GRIA3: variants seen among roughly 807,000 people sequenced by gnomAD.
The protein encoded by GRIA3 is glutamate receptor 3.
In GRIA3, 3 loss-of-function variants were observed where a neutral mutation model predicts 63.0. The ratio of observed to expected loss-of-function variants is 0.05; its 90% CI spans 0.02 to 0.12. The LOEUF (loss-of-function observed/expected upper bound fraction) is 0.12. GRIA3 is among the 10% of genes least tolerant of loss of function. The pLI, the probability that GRIA3 is intolerant of heterozygous loss-of-function variation, is 1.00. For synonymous variants in GRIA3, 274 were observed against 257.9 expected (o/e 1.06, Z -0.60); for missense variants, 347 against 700.9 (o/e 0.50, Z 5.70).
chrX:123,434,724 C>T (rs946933494), intron 12 of GRIA3, among the ~76,000 whole-genome samples: 73 of 111,468 alleles, frequency 6.5e-4, no homozygotes, highest in African/African-American at 2.0e-3. Flanking sequence ...GTAAGACCAC[C>T]GTTGGCTTTT....
At chrX:123,378,252 C>T (rs1414374122) in intron 5 of GRIA3, among the ~76,000 whole-genome samples, 2 of 111,661 alleles carry the variant, frequency 1.8e-5, no homozygotes, top group African/African-American at 6.5e-5. Flanking sequence ...CAGCTGACTT[C>T]TACCATTTAT....
chrX:123,202,565 C>T, intron 2 of GRIA3: 1 of 1,041,236 alleles, frequency 9.6e-7, no homozygotes, highest in Non-Finnish European at 1.3e-6. Context: ...TTGAAGTGCC[C>T]CCTTTCCACC....
intron 5 of GRIA3, among the ~76,000 whole-genome samples, chrX:123,380,903 A>C (rs1882084274): frequency 8.9e-6 from 1 of 111,833 alleles, no homozygotes; most frequent in Non-Finnish European, 1.9e-5. Context: ...TAAATAGGGA[A>C]TCTTTCCCCA....
At chrX:123,295,394 C>T (rs2044679342) in intron 3 of GRIA3, among the ~76,000 whole-genome samples, 1 of 111,636 alleles carries the variant, frequency 9.0e-6, no homozygotes, top group Non-Finnish European at 1.9e-5. Context: ...TAATAACAAG[C>T]ATTCTGCATA....
chrX:123,395,506 G>A (rs2045408424), intron 6 of GRIA3, among the ~76,000 whole-genome samples: 1 of 112,086 alleles, frequency 8.9e-6, no homozygotes, highest in Non-Finnish European at 1.9e-5. Context: ...CATTATTTAT[G>A]TGATTGCTTT....
Position 123,403,493 on chromosome X carries a change from C to T in GRIA3, c.1267C>T (p.Arg423Trp). 2 of 1,165,570 alleles carry T rather than the reference C, an allele frequency of 1.7e-6. No homozygotes were observed. The highest frequency in any genetic ancestry group is 2.3e-6 in the Non-Finnish European group (2 of 853,391). ...CAATGACAGTGCATCCTCAGAGAAT[C>T]GGACCATAGTAGTGACTACCATTCT... ...ISNDSASSEN[R>W]TIVVTTILES... The change falls in exon 9 of 16, where the codon CGG (arginine) becomes TGG (tryptophan). Residue 423 changes from arginine (R) to tryptophan (W), a missense_variant. Physicochemically the swap from Arg to Trp is moderately radical, Grantham distance 101. This residue lies in a region of GRIA3 where 65 missense variants were observed against 145.8 expected (regional missense o/e 0.45). Coordinates refer to ENST00000620443, the MANE Select transcript of GRIA3 (RefSeq NM_007325.5).
At chrX:123,405,060 G>A (rs952171125) in intron 10 of GRIA3, 146 bp downstream of exon 10, 9 of 509,538 alleles carry the variant, frequency 1.8e-5, no homozygotes, top group East Asian at 3.6e-5. Context: ...CTACAGTTGC[G>A]CTCTGTAAAG....
At chrX:123,450,744 G>C (rs999299628) in intron 12 of GRIA3, among the ~76,000 whole-genome samples, 1 of 112,443 alleles carries the variant, frequency 8.9e-6, no homozygotes, top group Non-Finnish European at 1.9e-5. Context: ...GTTTCTGTTG[G>C]TGTTAAGTGC....
chrX:123,286,546 GA>G (rs2147304120), intron 3 of GRIA3, among the ~76,000 whole-genome samples: 1 of 111,321 alleles, frequency 9.0e-6, no homozygotes, highest in Admixed American at 9.5e-5. Context: ...AAAGAGAGAA[GA>G]ATCAAATAGA....
At chrX:123,279,161 C>T (rs1165336586) in intron 3 of GRIA3, among the ~76,000 whole-genome samples, 1 of 111,135 alleles carries the variant, frequency 9.0e-6, no homozygotes, top group Non-Finnish European at 1.9e-5. Context: ...AATCTAAAAA[C>T]ATTGATCTTA....
intron 2 of GRIA3, among the ~76,000 whole-genome samples, chrX:123,196,912 T>G (rs1603019613): frequency 8.9e-6 from 1 of 112,252 alleles, no homozygotes; most frequent in Admixed American, 9.4e-5. Flanking sequence ...ACTGACCACC[T>G]CTACAGTATA....
At chrX:123,188,848 G>A (rs1030947877) in intron 2 of GRIA3, among the ~76,000 whole-genome samples, 4 of 111,461 alleles carry the variant, frequency 3.6e-5, no homozygotes, top group African/African-American at 9.8e-5. Flanking sequence ...ATAAACAAAG[G>A]GTAATTCTTT....
intron 3 of GRIA3, among the ~76,000 whole-genome samples, chrX:123,260,762 G>A (rs1461987605): frequency 1.8e-5 from 2 of 108,961 alleles, no homozygotes; most frequent in African/African-American, 6.7e-5. Context: ...TGTGAGAGAC[G>A]GATACTAAAT....
chrX:123,304,803 T>A (rs898608963), intron 3 of GRIA3, among the ~76,000 whole-genome samples: 2 of 111,881 alleles, frequency 1.8e-5, no homozygotes, highest in African/African-American at 6.5e-5. Context: ...TGAAATAAAG[T>A]CTGTATTACT....
rs778745355 is a variant in GRIA3 at position 123,463,195 on chromosome X, AT to A, written c.2077-1666del. Among the ~76,000 whole-genome samples the A allele has an allele frequency of 9.0e-5, 10 of 110,914 alleles. No homozygotes were observed. In the South Asian group the frequency reaches 2.3e-3, roughly 26 times the overall value. ...TTCCAGTGCTTCTCAATAAAAAAAA[AT>A]TTTGTTGAAAGGATAGAGGAATGAC... On this transcript the variant is annotated intron_variant, in intron 12 of 15. Transcript: ENST00000620443.
chrX:123,337,511 C>T (rs767539470), intron 4 of GRIA3, among the ~76,000 whole-genome samples: 3 of 111,385 alleles, frequency 2.7e-5, no homozygotes, highest in South Asian at 3.8e-4. Context: ...AGAATGGGGA[C>T]ACAGAAAAAG....
intron 2 of GRIA3, among the ~76,000 whole-genome samples, chrX:123,191,282 G>T (rs770163187): frequency 8.9e-5 from 10 of 112,433 alleles, no homozygotes; most frequent in Non-Finnish European, 1.9e-4. Flanking sequence ...GGTCTTATTA[G>T]ATAAAATATC....
intron 2 of GRIA3, among the ~76,000 whole-genome samples, chrX:123,218,488 C>G (rs1928215006): frequency 9.0e-6 from 1 of 111,136 alleles, no homozygotes; most frequent in Non-Finnish European, 1.9e-5. Context: ...GACACGGAGT[C>G]TCGCTCTGTC....
chrX:123,435,668 A>T (rs1603153915), intron 12 of GRIA3, among the ~76,000 whole-genome samples: 1 of 112,342 alleles, frequency 8.9e-6, no homozygotes, highest in East Asian at 2.8e-4. Flanking sequence ...AAGAAGGCAA[A>T]GAAAGGCATC....
Sources: allele counts gnomAD v4.1 joint callset (sites outside exome capture counted in the v4.1 genomes callset), GRCh38; gene constraint gnomAD v4.1.1; regional missense constraint gnomAD v4.1.1; transcripts MANE v1.5; gene names NCBI Gene and HGNC (gene_info 2026-07-23, HGNC 2026-07-21).